HELZ: variants seen among roughly 807,000 people sequenced by gnomAD.
The protein encoded by HELZ is helicase with zinc finger.
HELZ carries 23 observed loss-of-function variants against 218.2 expected under a neutral mutation model. The observed-to-expected ratio is 0.11, with a 90% CI of 0.08 to 0.15. The LOEUF (loss-of-function observed/expected upper bound fraction) is 0.15. HELZ is among the 10% of genes least tolerant of loss of function. HELZ has a pLI of 1.00. For synonymous variants in HELZ, 814 were observed against 829.4 expected (o/e 0.98, Z 0.32); for missense variants, 1,813 against 2,353.7 (o/e 0.77, Z 4.75).
At chr17:67,217,318 T>G (rs935513315) in intron 4 of HELZ, among the ~76,000 whole-genome samples, 16 of 152,176 alleles carry the variant, frequency 1.1e-4, no homozygotes, top group Admixed American at 1.0e-3. Flanking sequence ...GGAAACCTGA[T>G]TGCTTCTATT....
rs200544600 is a variant in HELZ, at chr17:67,078,238, G to A, written c.*14C>T. 9.1e-6 allele frequency: 14 copies of A among 1,541,288 alleles called. No individual in the cohort carries two copies. Among genetic ancestry groups the A allele is most frequent in the African/African-American group, 1.4e-5 (1 of 73,504 alleles). On this transcript the variant is annotated 3_prime_UTR_variant, in exon 33 of 33. Transcript: ENST00000358691. The stretch of plus-strand genomic sequence containing the variant: ...GAAATTAAAACATTCTCCCTTGAGG[G>A]AAAAAAAAAGTGATTATTTAAAATA...
intron 3 of HELZ, among the ~76,000 whole-genome samples, chr17:67,237,176 T>C (rs547957114): frequency 6.6e-6 from 1 of 151,968 alleles, no homozygotes; most frequent in East Asian, 1.9e-4. Flanking sequence ...CCCAAGCTAC[T>C]AGGGAGGCTG....
chr17:67,079,330 T>G (rs2036114784), intron 32 of HELZ, among the ~76,000 whole-genome samples: 2 of 152,264 alleles, frequency 1.3e-5, no homozygotes, highest in Non-Finnish European at 2.9e-5. Flanking sequence ...TCATTCATAC[T>G]TCTAAATACC....
chr17:67,143,249 A>T (rs2038388503), intron 21 of HELZ, among the ~76,000 whole-genome samples: 1 of 152,164 alleles, frequency 6.6e-6, no homozygotes, highest in South Asian at 2.1e-4. Flanking sequence ...TCTACCTCTC[A>T]GATCACACCA....
At chr17:67,217,746 C>T (rs1330273728) in intron 4 of HELZ, among the ~76,000 whole-genome samples, 1 of 152,110 alleles carries the variant, frequency 6.6e-6, no homozygotes, top group Admixed American at 6.6e-5. Flanking sequence ...ACACATGGCT[C>T]ACCCCCTTGC....
intron 26 of HELZ, among the ~76,000 whole-genome samples, chr17:67,122,700 C>T (rs2037650924): frequency 6.6e-6 from 1 of 151,778 alleles, no homozygotes; most frequent in Non-Finnish European, 1.5e-5. Context: ...AAGAGCAAAA[C>T]TCTATCTCAA....
intron 17 of HELZ, among the ~76,000 whole-genome samples, chr17:67,157,804 G>C (rs901568416): frequency 6.6e-6 from 1 of 152,066 alleles, no homozygotes; most frequent in Admixed American, 6.6e-5. Context: ...GATCACAGAA[G>C]AATATGCTTC....
At position 67,125,857 on chromosome 17, in the gene HELZ, C is replaced by T. The variant is rs182773739; in HGVS notation, c.3388-1843G>A. ...ATTTCTCTGGCTGGAATAAGGGAGA[C>T]GCAGCGGAAGAGGAAGTAAGAGAGA... On this transcript the variant is annotated intron_variant, in intron 24 of 32. Coordinates refer to ENST00000358691, the MANE Select transcript of HELZ (RefSeq NM_014877.4). Among the ~76,000 whole-genome samples the T allele has an allele frequency of 1.6e-3, 249 of 152,234 alleles. 2 individuals carry two copies. The highest frequency in any genetic ancestry group is 5.6e-3 in the African/African-American group (232 of 41,532).
intron 3 of HELZ, among the ~76,000 whole-genome samples, chr17:67,223,944 A>C (rs1224914043): frequency 2.0e-5 from 3 of 152,170 alleles, no homozygotes; most frequent in Non-Finnish European, 4.4e-5. Flanking sequence ...AAAAGAGACT[A>C]ATACCATGCA....
chr17:67,123,722 T>C (rs565860673), intron 25 of HELZ, among the ~76,000 whole-genome samples: 34 of 152,238 alleles, frequency 2.2e-4, no homozygotes, highest in Non-Finnish European at 3.8e-4. Flanking sequence ...TGTACATGAA[T>C]ACCTACAAAA....
chr17:67,123,209 TC>T, intron 25 of HELZ, 49 bp from the exon 26 acceptor site: 1 of 1,109,404 alleles, frequency 9.0e-7, no homozygotes, highest in Non-Finnish European at 1.3e-6. Flanking sequence ...TACATAGTCA[TC>T]CAGAAAAAAT....
rs576615874 is a variant in HELZ, at chr17:67,199,197, G to A, written c.429+1932C>T. Among the ~76,000 whole-genome samples the A allele has an allele frequency of 6.1e-5, 9 of 147,852 alleles. No individual in the cohort carries two copies. The South Asian group carries it at 1.5e-3, about 25-fold the overall frequency. On this transcript the variant is annotated intron_variant, in intron 7 of 32. Coordinates refer to ENST00000358691, the MANE Select transcript of HELZ (RefSeq NM_014877.4). ...ATTAGGTTGGTGCAAAAGTAATTGC[G>A]ATTTTGCCATTACTTTTTTTTTTTT...
intron 21 of HELZ, among the ~76,000 whole-genome samples, chr17:67,144,206 T>C (rs1191000386): frequency 1.3e-5 from 2 of 152,154 alleles, no homozygotes; most frequent in Non-Finnish European, 2.9e-5. Flanking sequence ...TATCCAAATA[T>C]GCCTATACTG....
intron 31 of HELZ, among the ~76,000 whole-genome samples, chr17:67,094,597 T>C (rs1194412153): frequency 1.3e-5 from 2 of 152,156 alleles, no homozygotes; most frequent in African/African-American, 4.8e-5. Context: ...CTATAATCTA[T>C]TAAGTGTGCA....
At chr17:67,126,614 CA>C (rs1478696837) in intron 24 of HELZ, among the ~76,000 whole-genome samples, 1 of 151,998 alleles carries the variant, frequency 6.6e-6, no homozygotes, top group Non-Finnish European at 1.5e-5. Context: ...TTTGGGAGGT[CA>C]AGGCAGGCGG....
chr17:67,180,471 C>T (rs370989843), intron 12 of HELZ, among the ~76,000 whole-genome samples: 3 of 152,114 alleles, frequency 2.0e-5, no homozygotes, highest in Non-Finnish European at 2.9e-5. Context: ...CAGCCAGGCA[C>T]GGTGGCTCAC....
At chr17:67,143,253 C>A (rs1041559210) in intron 21 of HELZ, among the ~76,000 whole-genome samples, 2 of 152,088 alleles carry the variant, frequency 1.3e-5, no homozygotes, top group African/African-American at 4.8e-5. Context: ...CCTCTCAGAT[C>A]ACACCATCTT....
At chr17:67,201,090 G>A in intron 7 of HELZ, 39 bp downstream of exon 7, 1 of 1,418,758 alleles carries the variant, frequency 7.0e-7, no homozygotes, top group South Asian at 1.1e-5. Context: ...GACAGATTGA[G>A]TCAAACTCTT....
In HELZ at chr17:67,072,119, G is replaced by A; in HGVS notation, c.*6133C>T. On this transcript the variant is annotated 3_prime_UTR_variant, in exon 33 of 33. Coordinates refer to ENST00000358691, the MANE Select transcript of HELZ (RefSeq NM_014877.4). ...TGGGAGCCCGAGGCGGGCAGATCAT[G>A]AGGTCAAGAGATGGAGACCATCCTG... is the stretch of plus-strand genomic sequence containing the variant. The A allele has an allele frequency of 6.6e-6, 1 of 152,662 alleles. No individual in the cohort carries two copies. The highest frequency in any genetic ancestry group is 1.9e-4 in the East Asian group (1 of 5,178). The allele number at this position is 152,662 out of a possible 1,614,324, so 9.5% of individuals were successfully genotyped here.
Sources: gnomAD v4.1 joint callset for allele counts (sites outside exome capture counted in the v4.1 genomes callset) on GRCh38, gnomAD v4.1.1 for gene constraint, MANE v1.5 for transcripts, NCBI Gene and HGNC (gene_info 2026-07-23, HGNC 2026-07-21) for gene names.